The following ZNF385D variants were observed in gnomAD, a reference collection of about 807,000 sequenced individuals.
The protein encoded by ZNF385D is zinc finger protein 659.
In ZNF385D, 15 loss-of-function variants were observed where a neutral mutation model predicts 35.8. The ratio of observed to expected loss-of-function variants is 0.42; its 90% CI spans 0.28 to 0.64. The LOEUF (loss-of-function observed/expected upper bound fraction) is 0.64. ZNF385D is among the 30% of genes least tolerant of loss of function. The pLI, the probability that ZNF385D is intolerant of heterozygous loss-of-function variation, is 0.23. For synonymous variants in ZNF385D, 212 were observed against 186.8 expected (o/e 1.13, Z -1.10); for missense variants, 474 against 494.6 (o/e 0.96, Z 0.39).
intron 2 of ZNF385D, among the ~76,000 whole-genome samples, chr3:21,635,759 C>T (rs888664822): frequency 2.0e-5 from 3 of 152,038 alleles, no homozygotes; most frequent in Admixed American, 2.0e-4. Context: ...CATTCTTATG[C>T]CTTTACATTC....
intron 2 of ZNF385D, among the ~76,000 whole-genome samples, chr3:22,244,854 G>C (rs1240934832): frequency 6.6e-6 from 1 of 150,958 alleles, no homozygotes; most frequent in Non-Finnish European, 1.5e-5. Flanking sequence ...TACAACTTGG[G>C]CTGGCATGTA....
At chr3:22,314,431 A>G (rs1021481647) in intron 2 of ZNF385D, among the ~76,000 whole-genome samples, 2 of 152,118 alleles carry the variant, frequency 1.3e-5, no homozygotes, top group African/African-American at 4.8e-5. Flanking sequence ...TCCCATCCAG[A>G]TTGCAGTGAA....
chr3:21,493,324 A>C (rs1322825119), intron 4 of ZNF385D, among the ~76,000 whole-genome samples: 2 of 152,146 alleles, frequency 1.3e-5, no homozygotes, highest in African/African-American at 2.4e-5. Flanking sequence ...CTGTGAAGCA[A>C]ATTCTTTAAA....
chr3:21,577,749 C>T lies in ZNF385D; in HGVS notation c.166-13065G>A, dbSNP rs534006750. Among the ~76,000 whole-genome samples, 9 of 150,714 alleles carry T rather than the reference C, an allele frequency of 6.0e-5. No individual in the cohort carries two copies. In the South Asian group the frequency reaches 6.3e-4, roughly 11 times the overall value. On this transcript the variant is annotated intron_variant, in intron 2 of 7. Transcript: ENST00000281523. ...TTCATTGTGGCTTTGATTTGCATTT[C>T]GTTGATAATTAGTGATGTTGAGCAT...
intron 3 of ZNF385D, among the ~76,000 whole-genome samples, chr3:21,783,558 C>G (rs1326094524): frequency 6.6e-6 from 1 of 152,086 alleles, no homozygotes; most frequent in African/African-American, 2.4e-5. Flanking sequence ...ACCTGGGACA[C>G]TCTAACAGCA....
At chr3:22,260,063 A>G (rs1016349999) in intron 2 of ZNF385D, among the ~76,000 whole-genome samples, 4 of 151,940 alleles carry the variant, frequency 2.6e-5, no homozygotes, top group Non-Finnish European at 5.9e-5. Context: ...AACACAATCA[A>G]TTAGATTATT....
chr3:22,146,052 C>T (rs1020512209), intron 3 of ZNF385D, among the ~76,000 whole-genome samples: 5 of 151,942 alleles, frequency 3.3e-5, no homozygotes, highest in East Asian at 1.9e-4. Context: ...ACAACACATC[C>T]GCAGGGCCCT....
At chr3:21,439,981 T>C (rs868049776) in intron 4 of ZNF385D, among the ~76,000 whole-genome samples, 6 of 151,938 alleles carry the variant, frequency 3.9e-5, no homozygotes, top group African/African-American at 1.2e-4. Flanking sequence ...AAAAGTTATA[T>C]TTTTTATCTT....
intron 2 of ZNF385D, among the ~76,000 whole-genome samples, chr3:22,285,205 C>G (rs1473774389): frequency 6.6e-6 from 1 of 152,118 alleles, no homozygotes; most frequent in African/African-American, 2.4e-5. Flanking sequence ...AAACAGGTTA[C>G]TCTGTATGTG....
chr3:21,832,729 T>C (rs1220694007), intron 3 of ZNF385D, among the ~76,000 whole-genome samples: 1 of 152,172 alleles, frequency 6.6e-6, no homozygotes, highest in Non-Finnish European at 1.5e-5. Flanking sequence ...ACTGTCACTG[T>C]TTCACAAGTG....
At chr3:21,783,401 T>C (rs1403260285) in intron 3 of ZNF385D, among the ~76,000 whole-genome samples, 1 of 152,116 alleles carries the variant, frequency 6.6e-6, no homozygotes, top group Non-Finnish European at 1.5e-5. Context: ...ATGAAATCTT[T>C]GGAGTAGGAG....
At chr3:21,978,009 G>C (rs1372611646) in intron 3 of ZNF385D, among the ~76,000 whole-genome samples, 5 of 152,158 alleles carry the variant, frequency 3.3e-5, no homozygotes, top group Non-Finnish European at 7.3e-5. Flanking sequence ...GAAAGAACTA[G>C]ATACACCAGA....
intron 3 of ZNF385D, among the ~76,000 whole-genome samples, chr3:21,947,290 T>C (rs1292439358): frequency 6.6e-6 from 1 of 152,162 alleles, no homozygotes; most frequent in Non-Finnish European, 1.5e-5. Context: ...TATGGTACAG[T>C]TAAGCCACTC....
intron 3 of ZNF385D, among the ~76,000 whole-genome samples, chr3:21,528,749 T>TAACA (rs973754820): frequency 1.3e-5 from 2 of 152,120 alleles, no homozygotes; most frequent in African/African-American, 4.8e-5. Context: ...TACATGAAAC[T>TAACA]AACAAATACA....
At chr3:21,643,234 G>A (rs2065657319) in intron 2 of ZNF385D, among the ~76,000 whole-genome samples, 1 of 152,108 alleles carries the variant, frequency 6.6e-6, no homozygotes, top group Admixed American at 6.6e-5. Flanking sequence ...GCTCATGTAA[G>A]AGCTAATTTT....
chr3:21,833,136 G>A (rs9821836), intron 3 of ZNF385D, among the ~76,000 whole-genome samples: 39,212 of 151,816 alleles, frequency 0.26, 5,322 homozygotes, highest in Admixed American at 0.3. Flanking sequence ...GTTGTGTTGG[G>A]TACTAGGAAC....
intron 4 of ZNF385D, among the ~76,000 whole-genome samples, chr3:21,491,396 C>T (rs1460775799): frequency 6.6e-6 from 1 of 151,928 alleles, no homozygotes; most frequent in Non-Finnish European, 1.5e-5. Context: ...ACACAAACTG[C>T]CATTTAACTA....
chr3:21,614,072 A>G (rs1392034617), intron 2 of ZNF385D, among the ~76,000 whole-genome samples: 2 of 152,170 alleles, frequency 1.3e-5, no homozygotes, highest in Non-Finnish European at 2.9e-5. Flanking sequence ...CTGGTTTTCA[A>G]TGTTGTTGTA....
chr3:21,676,508 G>A (rs1314428873), intron 1 of ZNF385D, among the ~76,000 whole-genome samples: 1 of 152,084 alleles, frequency 6.6e-6, no homozygotes, highest in Admixed American at 6.6e-5. Context: ...AAATGGAAGA[G>A]AAATAAAATG....
Sources: allele counts gnomAD v4.1 joint callset (sites outside exome capture counted in the v4.1 genomes callset), GRCh38; gene constraint gnomAD v4.1.1; transcripts MANE v1.5; gene names NCBI Gene and HGNC (gene_info 2026-07-23, HGNC 2026-07-21).